The following RANBP2 variants were observed in gnomAD, a reference collection of about 807,000 sequenced individuals.
The protein encoded by RANBP2 is RAN binding protein 2.
RANBP2 carries 57 observed loss-of-function variants against 303.6 expected under a neutral mutation model. The observed-to-expected ratio is 0.19, with a 90% confidence interval of 0.15 to 0.23. The LOEUF (loss-of-function observed/expected upper bound fraction) is 0.23, where lower values mean the gene tolerates loss of function less well. Ranked by LOEUF, RANBP2 falls within the 10% of genes least tolerant of loss-of-function variation. The pLI is 1.00. For synonymous variants in RANBP2, 1,167 were observed against 1,301.5 expected, an observed-to-expected ratio of 0.90 and a Z score of 2.23; for missense variants, 3,138 against 3,780.8, an observed-to-expected ratio of 0.83 and a Z score of 4.46.
the RANBP2 span, among the ~76,000 whole-genome samples, chr2:109,445,277 T>TC: frequency 6.6e-6 from 1 of 152,154 alleles, no homozygotes; most frequent in South Asian, 2.1e-4. Flanking sequence ...AAAGGAGTAG[T>TC]CCCTGAGAAT....
At chr2:108,912,183 G>A in the RANBP2 span, among the ~76,000 whole-genome samples, 3 of 152,200 alleles carry the variant, frequency 2.0e-5, no homozygotes, top group African/African-American at 7.2e-5. Flanking sequence ...GAGAGAGAAA[G>A]GCCAAGCCAG....
At chr2:109,358,111 C>T in the RANBP2 span, among the ~76,000 whole-genome samples, 1 of 152,330 alleles carries the variant, frequency 6.6e-6, no homozygotes, top group African/African-American at 2.4e-5. Context: ...ATAGTTTTTC[C>T]TTTCCCAGAA....
At chr2:109,330,346 G>A in the RANBP2 span, among the ~76,000 whole-genome samples, 4 of 152,100 alleles carry the variant, frequency 2.6e-5, no homozygotes, top group East Asian at 3.9e-4. Context: ...ATCTCTCTCC[G>A]TCTCTTCCTT....
the RANBP2 span, among the ~76,000 whole-genome samples, chr2:109,397,121 C>G: frequency 6.6e-6 from 1 of 152,158 alleles, no homozygotes; most frequent in South Asian, 2.1e-4. Context: ...GGCCCCAAAC[C>G]CAAAACAGTA....
the RANBP2 span, among the ~76,000 whole-genome samples, chr2:108,835,942 G>A: frequency 2.5e-4 from 38 of 152,128 alleles, no homozygotes; most frequent in Non-Finnish European, 5.1e-4. Flanking sequence ...CAGGATGAAC[G>A]TTGTGTGCCC....
chr2:108,860,126 G>A, the RANBP2 span, among the ~76,000 whole-genome samples: 2 of 151,776 alleles, frequency 1.3e-5, no homozygotes, highest in Admixed American at 6.6e-5. Flanking sequence ...GTATAGAAAT[G>A]CTTCTGATTT....
the RANBP2 span, among the ~76,000 whole-genome samples, chr2:109,300,764 G>T: frequency 2.0e-5 from 3 of 152,174 alleles, no homozygotes; most frequent in Non-Finnish European, 4.4e-5. Flanking sequence ...CTTCATGTGG[G>T]TTGGGCTCCA....
In RANBP2 at chr2:108,731,383, G is replaced by T; in HGVS notation, c.314G>T (p.Cys105Phe). 1 of 1,611,506 alleles carries T rather than the reference G, an allele frequency of 6.2e-7. No individual in the cohort carries two copies. Among genetic ancestry groups the T allele is most frequent in the Non-Finnish European group, 8.5e-7 (1 of 1,179,590 alleles). ...GTGTTGAAGATTGCAGAATTGCTTT[G>T]TAAAAATGATGTTACTGATGGAAGA... ...DLVLKIAELLCKNDVTDGRAK... is the reference protein window; with the variant it reads ...DLVLKIAELLFKNDVTDGRAK... Residue 105 changes from cysteine (C) to phenylalanine (F), a missense_variant, in exon 4 of 29, where the codon TGT (cysteine) becomes TTT (phenylalanine). Cys to Phe is a radical substitution (Grantham distance 205, BLOSUM62 -2). Around this residue, in one of 20 missense-constraint regions of RANBP2, gnomAD observed 306 missense variants for 381.9 expected, o/e 0.80. Transcript: ENST00000283195.
chr2:109,432,454 T>A, the RANBP2 span: 1 of 1,605,492 alleles, frequency 6.2e-7, no homozygotes, highest in African/African-American at 1.3e-5. Flanking sequence ...CGGTCCCCTA[T>A]CCCCAGGAGG....
At chr2:109,609,157 A>T in the RANBP2 span, among the ~76,000 whole-genome samples, 1 of 152,222 alleles carries the variant, frequency 6.6e-6, no homozygotes, top group African/African-American at 2.4e-5. Flanking sequence ...GCCTAGGGAA[A>T]GTGGGGCTTC....
the RANBP2 span, chr2:108,907,923 C>T: frequency 2.4e-5 from 38 of 1,613,598 alleles, no homozygotes; most frequent in Admixed American, 3.3e-5. Context: ...ACAGCAGGCA[C>T]AGCTCCGGGG....
chr2:108,982,941 C>G, the RANBP2 span, among the ~76,000 whole-genome samples: 2 of 152,174 alleles, frequency 1.3e-5, no homozygotes, highest in Non-Finnish European at 2.9e-5. Context: ...CTCTCTCTCT[C>G]CAAATCTCTC....
In RANBP2 at chr2:108,767,140, A is replaced by G; in HGVS notation, c.6601A>G (p.Thr2201Ala). ...TGAGGAAGAAAATAAGGGTTCAGGT[A>G]CAGGTGCGGCCGGTGCCTCAGACAC... ...VTEEENKGSG[T>A]GAAGASDTTI... The change falls in exon 20 of 29, where the codon ACA (threonine) becomes GCA (alanine). Residue 2201 changes from threonine (T) to alanine (A), a missense_variant. Transcript: ENST00000283195. The G allele has an allele frequency of 1.2e-6, 2 of 1,612,026 alleles. No homozygotes were observed.
the RANBP2 span, among the ~76,000 whole-genome samples, chr2:109,075,783 A>G: frequency 6.6e-6 from 1 of 150,636 alleles, no homozygotes; most frequent in African/African-American, 2.4e-5. Flanking sequence ...GAAGCAACAG[A>G]AAACCTTAAC....
chr2:109,567,017 T>G, the RANBP2 span, among the ~76,000 whole-genome samples: 1 of 145,990 alleles, frequency 6.8e-6, no homozygotes, highest in Non-Finnish European at 1.5e-5. Flanking sequence ...CATTAGTCAG[T>G]TTTTTTTTAC....
At chr2:108,788,203 G>T (rs530971953), downstream of RANBP2, 481 of 1,027,344 alleles carry the variant, frequency 4.7e-4, 1 homozygote, top group Non-Finnish European at 6.5e-4. Flanking sequence ...CGAATCACCT[G>T]AGGTCAGGAG....
chr2:109,625,429 C>T, the RANBP2 span, among the ~76,000 whole-genome samples: 1 of 149,742 alleles, frequency 6.7e-6, no homozygotes. Context: ...CCGAGGCAGG[C>T]GGATCGCGAG....
the RANBP2 span, among the ~76,000 whole-genome samples, chr2:109,153,085 G>A: frequency 2.0e-5 from 3 of 152,320 alleles, no homozygotes; most frequent in East Asian, 5.8e-4. Flanking sequence ...CAGTCACTGT[G>A]AAGCTTTTGT....
chr2:109,583,503 G>A, the RANBP2 span, among the ~76,000 whole-genome samples: 1 of 152,194 alleles, frequency 6.6e-6, no homozygotes, highest in Admixed American at 6.5e-5. Context: ...TACTGGCGGG[G>A]CTGTAGAGAA....
Sources: allele counts gnomAD v4.1 joint callset (sites outside exome capture counted in the v4.1 genomes callset), GRCh38; gene constraint gnomAD v4.1.1; regional missense constraint gnomAD v4.1.1; transcripts MANE v1.5; gene names NCBI Gene and HGNC (gene_info 2026-07-23, HGNC 2026-07-21).